Variants in CYB5R3 observed in about 807,000 individuals in gnomAD.
The protein encoded by CYB5R3 is cytochrome b5 reductase 3, also known as NADH-cytochrome b5 reductase 3.
A neutral mutation model predicts 36.5 loss-of-function variants in CYB5R3; 28 were observed. The observed-to-expected ratio is 0.77, with a 90% CI of 0.57 to 1.05. The LOEUF (loss-of-function observed/expected upper bound fraction) is 1.05, where lower values mean the gene tolerates loss of function less well. Ranked by LOEUF, CYB5R3 falls within the 50% of genes least tolerant of loss-of-function variation. CYB5R3 has a pLI of 0.00. For synonymous variants in CYB5R3, 181 were observed against 159.8 expected (o/e 1.13, Z -1.00); for missense variants, 474 against 408.9 (o/e 1.16, Z -1.37).
In CYB5R3 at chr22:42,619,392, C is replaced by T. The variant is rs1330710657; in HGVS notation, c.*381G>A. On this transcript the variant is annotated 3_prime_UTR_variant, in exon 9 of 9. Coordinates refer to ENST00000352397, the MANE Select transcript of CYB5R3 (RefSeq NM_000398.7). ...CCTGGCACCTGCAGCTTTGGGCTGC[C>T]CATGTGTGTCTGCTGACATCCCGAC... The T allele has an allele frequency of 1.2e-5, 3 of 244,256 alleles. No individual in the cohort carries two copies. Among genetic ancestry groups the T allele is most frequent in the African/African-American group, 6.6e-5 (3 of 45,330 alleles). The allele number at this position is 244,256 out of a possible 1,614,324, so 15.1% of individuals were successfully genotyped here. A position where few individuals can be genotyped will look rare whatever the true frequency, so the allele number is the denominator to read the frequency against.
rs1400745667 is a variant in CYB5R3, at chr22:42,636,767, A to G, written c.101T>C (p.Ile34Thr). ...CTTGATGTCCGGGCTCTCGAGGGTG[A>G]TGGCTGGCGTGGAGCGCTGGAACAG... ...MKLFQRSTPAITLESPDIKYP... is the reference protein window; with the variant it reads ...MKLFQRSTPATTLESPDIKYP... Residue 34 changes from isoleucine (I) to threonine (T), a missense_variant, in exon 2 of 9, where the codon ATC (isoleucine) becomes ACC (threonine). Coordinates refer to ENST00000352397, the MANE Select transcript of CYB5R3 (RefSeq NM_000398.7). 1.9e-6 allele frequency: 3 copies of G among 1,613,518 alleles called. No individual in the cohort carries two copies. The highest frequency in any genetic ancestry group is 2.5e-6 in the Non-Finnish European group (3 of 1,179,878).
intron 1 of CYB5R3, among the ~76,000 whole-genome samples, chr22:42,648,617 A>G (rs1021444250): frequency 6.6e-6 from 1 of 152,192 alleles, no homozygotes; most frequent in African/African-American, 2.4e-5. Context: ...TGGGGCAAAC[A>G]GCACTGACAC....
In CYB5R3 at chr22:42,628,094, C is replaced by T. The variant is rs1011898665; in HGVS notation, c.463+58G>A. 7 of 1,610,892 alleles carry T rather than the reference C, an allele frequency of 4.3e-6. No homozygotes were observed. The African/African-American group carries it at 6.7e-5, about 15-fold the overall frequency. ...GGCCTGCACCCTGCACCCAGCACGC[C>T]CAAGCTCTCCAATTCTCTGAGCCTG... is the stretch of plus-strand genomic sequence containing the variant. On this transcript the variant is annotated intron_variant, in intron 5 of 8. Transcript: ENST00000352397.
chr22:42,647,738 A>G (rs375501125), intron 1 of CYB5R3, among the ~76,000 whole-genome samples: 30 of 151,544 alleles, frequency 2.0e-4, no homozygotes, highest in African/African-American at 7.0e-4. Flanking sequence ...AAACTTAGCC[A>G]GGCATATTGG....
At position 42,628,300 on chromosome 22, in the gene CYB5R3, G is replaced by GC. The variant is rs1928413252; in HGVS notation, c.334-20dup. ...AGTAAACCTGCAAGACACCCCCGCA[G>GC]CCCTCAGTCCCCAGCTCCAGGTCTC... On this transcript the variant is annotated intron_variant, in intron 4 of 8. Coordinates refer to ENST00000352397, the MANE Select transcript of CYB5R3 (RefSeq NM_000398.7). 3 of 1,612,792 alleles carry GC rather than the reference G, an allele frequency of 1.9e-6. No individual in the cohort carries two copies. The highest frequency in any genetic ancestry group is 2.7e-5 in the African/African-American group (2 of 74,870).
chr22:42,646,944 C>G, intron 1 of CYB5R3: 1 of 985,560 alleles, frequency 1.0e-6, no homozygotes, highest in Non-Finnish European at 1.2e-6. Flanking sequence ...AGGGGAACCA[C>G]AGTTCAGGAT....
chr22:42,630,304 CAT>C (rs1204028288), intron 4 of CYB5R3, among the ~76,000 whole-genome samples: 4 of 152,182 alleles, frequency 2.6e-5, no homozygotes, highest in East Asian at 1.9e-4. Flanking sequence ...GAGCCCCTCA[CAT>C]GTTTCCCTAG....
chr22:42,631,495 C>A, intron 2 of CYB5R3, 45 bp from the exon 3 acceptor site: 1 of 1,532,950 alleles, frequency 6.5e-7, no homozygotes, highest in Non-Finnish European at 8.8e-7. Flanking sequence ...AGGGCAGAGG[C>A]CTCCCAGGGC....
chr22:42,630,459 A>G (rs3884930), intron 4 of CYB5R3, among the ~76,000 whole-genome samples: 1 of 152,222 alleles, frequency 6.6e-6, no homozygotes, highest in African/African-American at 2.4e-5. Flanking sequence ...GCGTGAGAGC[A>G]GGGACGGGAC....
intron 5 of CYB5R3, 25 bp from the exon 6 acceptor site, chr22:42,627,713 C>T (rs2146876576): frequency 6.4e-7 from 1 of 1,563,074 alleles, no homozygotes; most frequent in South Asian, 1.1e-5. Flanking sequence ...GGGGTGAGGC[C>T]CGGCCATCAA....
intron 1 of CYB5R3, chr22:42,644,534 A>C (rs1459284829): frequency 6.8e-7 from 1 of 1,471,400 alleles, no homozygotes. Context: ...CTCAAACATC[A>C]AATCTTCCCT....
intron 8 of CYB5R3, among the ~76,000 whole-genome samples, chr22:42,622,543 A>G (rs945421286): frequency 6.6e-6 from 1 of 152,094 alleles, no homozygotes; most frequent in Non-Finnish European, 1.5e-5. Context: ...CACCCCCTCC[A>G]GGCCTGGGTC....
At chr22:42,628,340 G>GC in intron 4 of CYB5R3, 59 bp from the exon 5 acceptor site, 4 of 1,605,920 alleles carry the variant, frequency 2.5e-6, no homozygotes, top group Non-Finnish European at 3.4e-6. Context: ...GCGAGCTCTT[G>GC]CCCACAGTGG....
In CYB5R3 at chr22:42,628,202, T is replaced by C. The variant is rs1928401316; in HGVS notation, c.413A>G (p.Asp138Gly). Residue 138 changes from aspartate (D) to glycine (G), a missense_variant, in exon 5 of 9, where the codon GAC (aspartate) becomes GGC (glycine). By Grantham distance (94) the Asp-to-Gly change is moderately conservative. Coordinates refer to ENST00000352397, the MANE Select transcript of CYB5R3 (RefSeq NM_000398.7). ...ACTGGGGCCCCGGAACTCAATGGTG[T>C]CTCCAATCTGCATGCTCTCCAGGTA... ...SQYLESMQIG[D>G]TIEFRGPSGL... 2 of 1,614,018 alleles carry C rather than the reference T, an allele frequency of 1.2e-6. No individual in the cohort carries two copies. The highest frequency in any genetic ancestry group is 1.7e-6 in the Non-Finnish European group (2 of 1,179,974).
At chr22:42,624,603 C>A (rs1188965557) in intron 7 of CYB5R3, among the ~76,000 whole-genome samples, 1 of 143,492 alleles carries the variant, frequency 7.0e-6, no homozygotes, top group Non-Finnish European at 1.5e-5. Flanking sequence ...CCCCGCCCCC[C>A]ACCCCCGTTC....
chr22:42,633,253 G>A (rs1928709944), intron 2 of CYB5R3: 1 of 152,270 alleles, frequency 6.6e-6, no homozygotes, highest in Non-Finnish European at 1.5e-5. Context: ...GATCCATGTT[G>A]TATGGCTGGC....
At chr22:42,621,398 G>C (rs1002397769) in intron 8 of CYB5R3, among the ~76,000 whole-genome samples, 1 of 152,120 alleles carries the variant, frequency 6.6e-6, no homozygotes, top group Non-Finnish European at 1.5e-5. Context: ...ATTTTTCCCT[G>C]TACCTGTCCT....
At position 42,636,756 on chromosome 22, in the gene CYB5R3, T is replaced by G; in HGVS notation, c.112A>C (p.Ser38Arg). 1 of 1,613,712 alleles carries G rather than the reference T, an allele frequency of 6.2e-7. No homozygotes were observed. The highest frequency in any genetic ancestry group is 8.5e-7 in the Non-Finnish European group (1 of 1,180,000). The change falls in exon 2 of 9, where the codon AGC (serine) becomes CGC (arginine). Residue 38 changes from serine to arginine, a missense_variant. Coordinates refer to ENST00000352397, the MANE Select transcript of CYB5R3 (RefSeq NM_000398.7). ...CGCAGCGGGTACTTGATGTCCGGGC[T>G]CTCGAGGGTGATGGCTGGCGTGGAG... ...QRSTPAITLE[S>R]PDIKYPLRLI...
At chr22:42,642,454 T>C (rs1349586422) in intron 1 of CYB5R3, among the ~76,000 whole-genome samples, 1 of 152,114 alleles carries the variant, frequency 6.6e-6, no homozygotes, top group Non-Finnish European at 1.5e-5. Flanking sequence ...TATTATTTTT[T>C]TTGAGATGGA....
Sources: gnomAD v4.1 joint callset for allele counts (sites outside exome capture counted in the v4.1 genomes callset) on GRCh38, gnomAD v4.1.1 for gene constraint, MANE v1.5 for transcripts, NCBI Gene and HGNC (gene_info 2026-07-23, HGNC 2026-07-21) for gene names.